The following FMN1 variants were observed in gnomAD, a reference collection of about 807,000 sequenced individuals.
The protein encoded by FMN1 is formin 1, also known as formin-1.
Under a neutral mutation model 132.4 loss-of-function variants are expected in FMN1, and 110 were observed. The observed-to-expected ratio is 0.83, with a 90% CI of 0.71 to 0.97. The LOEUF is 0.97. Ranked by LOEUF, FMN1 falls within the 50% of genes least tolerant of loss-of-function variation. The probability of loss-of-function intolerance (pLI) is 0.00; values close to 1 mark genes in which losing one functional copy is unlikely to be tolerated. For synonymous variants in FMN1, 722 were observed against 651.7 expected (o/e 1.11, Z -1.64); for missense variants, 1,792 against 1,705.3 (o/e 1.05, Z -0.90).
At chr15:32,884,384 G>A (rs751840675) in intron 16 of FMN1, among the ~76,000 whole-genome samples, 2 of 152,178 alleles carry the variant, frequency 1.3e-5, no homozygotes, top group East Asian at 3.9e-4. Context: ...ACATCTCTCT[G>A]ATCATTCTTA....
At chr15:33,122,252 T>C (rs964474941) in intron 4 of FMN1, among the ~76,000 whole-genome samples, 2 of 152,268 alleles carry the variant, frequency 1.3e-5, no homozygotes, top group Admixed American at 6.5e-5. Flanking sequence ...TATTTATTCT[T>C]GTCATATTCC....
At position 32,988,181 on chromosome 15, in the gene FMN1, T is replaced by G. The variant is rs75139369; in HGVS notation, c.2224-18704A>C. On this transcript the variant is annotated intron_variant, in intron 7 of 20. Transcript: ENST00000616417. ...CATAGTCAATCTGGACACTGACCCA[T>G]AGCTCACAAATCAGAAAAAAATCAT... Among the ~76,000 whole-genome samples the G allele has an allele frequency of 9.8e-3, 1,478 of 151,464 alleles. 25 individuals are homozygous for G. The highest frequency in any genetic ancestry group is 0.034 in the African/African-American group (1,423 of 41,316).
intron 10 of FMN1, among the ~76,000 whole-genome samples, chr15:32,916,502 G>A (rs552446148): frequency 1.3e-5 from 2 of 152,206 alleles, no homozygotes; most frequent in Admixed American, 6.5e-5. Flanking sequence ...AGTCTGTTAA[G>A]ATTAGCCAAA....
At chr15:32,950,036 CATATATATATAT>C (rs373645697) in intron 9 of FMN1, among the ~76,000 whole-genome samples, 14 of 5,398 alleles carry the variant, frequency 2.6e-3, no homozygotes, top group Non-Finnish European at 3.9e-3. Flanking sequence ...TATATATACA[CATATATATATAT>C]ATACACATAT....
intron 17 of FMN1, among the ~76,000 whole-genome samples, chr15:32,846,787 T>C (rs113373956): frequency 0.012 from 1,865 of 152,304 alleles, 45 homozygotes; most frequent in African/African-American, 0.043. Context: ...CTATTTACGA[T>C]AGCAAAGACT....
intron 5 of FMN1, among the ~76,000 whole-genome samples, chr15:33,077,353 T>A (rs952503558): frequency 1.2e-4 from 12 of 97,516 alleles, no homozygotes; most frequent in Admixed American, 1.1e-3. Context: ...TTTTTTTTTT[T>A]AATATATATA....
intron 7 of FMN1, among the ~76,000 whole-genome samples, chr15:32,978,659 G>C (rs1197673559): frequency 6.6e-6 from 1 of 152,210 alleles, no homozygotes; most frequent in East Asian, 1.9e-4. Context: ...AGAAGAAACA[G>C]ATGATAAACC....
chr15:33,157,152 C>G lies in FMN1; in HGVS notation c.-131-2107G>C, dbSNP rs145743928. ...TGGTGGTGCATGCCTATAATCCTAG[C>G]TACTCAGGAGGCCGAGGCACGAGAA... On this transcript the variant is annotated intron_variant, in intron 3 of 20. Transcript: ENST00000616417. 2.2e-4 allele frequency among the ~76,000 whole-genome samples: 34 copies of G among 151,936 alleles called. No homozygotes were observed. The East Asian group carries it at 5.6e-3, about 25-fold the overall frequency.
At chr15:33,050,813 G>A (rs533249966) in intron 6 of FMN1, among the ~76,000 whole-genome samples, 6 of 152,282 alleles carry the variant, frequency 3.9e-5, no homozygotes, top group Non-Finnish European at 2.9e-5. Flanking sequence ...GCAATCAAAA[G>A]GTTCATTACT....
intron 15 of FMN1, among the ~76,000 whole-genome samples, chr15:32,889,871 G>A (rs890535807): frequency 1.3e-5 from 2 of 151,918 alleles, no homozygotes; most frequent in African/African-American, 2.4e-5. Flanking sequence ...TTCCCCTATC[G>A]CCCAAGAAAT....
intron 4 of FMN1, among the ~76,000 whole-genome samples, chr15:33,149,112 A>G (rs1964345628): frequency 6.6e-6 from 1 of 152,128 alleles, no homozygotes; most frequent in Non-Finnish European, 1.5e-5. Flanking sequence ...AAGAGAAATA[A>G]AATTAATGCC....
chr15:33,091,838 T>C (rs1468286617), intron 4 of FMN1, among the ~76,000 whole-genome samples: 1 of 152,194 alleles, frequency 6.6e-6, no homozygotes, highest in Non-Finnish European at 1.5e-5. Flanking sequence ...ATTAGATAAA[T>C]ATATTCTGTC....
At chr15:32,814,411 ATTTCCAACGGGAAGGGTC>A (rs1007346838) in intron 17 of FMN1, among the ~76,000 whole-genome samples, 6 of 152,254 alleles carry the variant, frequency 3.9e-5, no homozygotes, top group African/African-American at 1.4e-4. Flanking sequence ...CAGCCATCTC[ATTTCCAACGGGAAGGGTC>A]TGACCTTATA....
chr15:33,008,420 C>T (rs1008596675), intron 6 of FMN1, among the ~76,000 whole-genome samples: 1 of 151,876 alleles, frequency 6.6e-6, no homozygotes, highest in Non-Finnish European at 1.5e-5. Context: ...CAAATACAGA[C>T]ATCTTAAGAG....
intron 7 of FMN1, among the ~76,000 whole-genome samples, chr15:32,988,040 G>A (rs2033179878): frequency 7.1e-6 from 1 of 141,292 alleles, no homozygotes; most frequent in Non-Finnish European, 1.5e-5. Context: ...CTGGCAGCCT[G>A]TCTCTCCAGT....
rs377263342 is a variant in FMN1 at position 32,929,981 on chromosome 15, ATTTT to A, written c.3139-3724_3139-3721del. Among the ~76,000 whole-genome samples, 541 of 91,966 alleles carry A rather than the reference ATTTT, an allele frequency of 5.9e-3. 3 individuals carry two copies. Among genetic ancestry groups the A allele is most frequent in the African/African-American group, 0.024 (495 of 20,708 alleles). 60.3% of individuals were successfully genotyped at this position (91,966 alleles called of 152,430 possible). A position where few individuals can be genotyped will look rare whatever the true frequency, so the allele number is the denominator to read the frequency against. ...GATCATATGGTAGTTCTATTTTTAA[ATTTT>A]TTTTTTTTTTTTTTTTTTTTTTGAG... On this transcript the variant is annotated intron_variant, in intron 9 of 20. Transcript: ENST00000616417.
At chr15:32,786,606 T>C (rs907195333) in intron 19 of FMN1, among the ~76,000 whole-genome samples, 2 of 152,152 alleles carry the variant, frequency 1.3e-5, no homozygotes, top group African/African-American at 2.4e-5. Context: ...AGGAATAACA[T>C]ATAGACTTTG....
At chr15:33,048,631 C>CAAAAAAAAAAAAAAAAAAA (rs768997793) in intron 6 of FMN1, among the ~76,000 whole-genome samples, 7 of 43,432 alleles carry the variant, frequency 1.6e-4, no homozygotes, top group African/African-American at 2.3e-4. Context: ...GGCAATTTAC[C>CAAAAAAAAAAAAAAAAAAA]AAAAAAAAAA....
chr15:33,114,997 C>T (rs990270073), intron 4 of FMN1, among the ~76,000 whole-genome samples: 3 of 152,140 alleles, frequency 2.0e-5, no homozygotes, highest in Admixed American at 6.6e-5. Flanking sequence ...ATCCTTCATT[C>T]AATATATGAT....
Sources: gnomAD v4.1 joint callset for allele counts (sites outside exome capture counted in the v4.1 genomes callset) on GRCh38, gnomAD v4.1.1 for gene constraint, MANE v1.5 for transcripts, NCBI Gene and HGNC (gene_info 2026-07-23, HGNC 2026-07-21) for gene names.